RPS6KA2: variants seen among roughly 807,000 people sequenced by gnomAD.
The protein encoded by RPS6KA2 is ribosomal protein S6 kinase alpha-2.
Under a neutral mutation model 91.8 loss-of-function variants are expected in RPS6KA2, and 42 were observed. That is an observed-to-expected ratio of 0.46 (90% CI 0.36 to 0.59). The LOEUF (loss-of-function observed/expected upper bound fraction) is 0.59, where lower values mean the gene tolerates loss of function less well. Among genes scored for constraint, RPS6KA2 ranks in the 20% least tolerant of loss-of-function variants. RPS6KA2 has a pLI of 0.00. For missense variants in RPS6KA2, 798 were observed against 978.5 expected, an observed-to-expected ratio of 0.82 and a Z score of 2.46; for synonymous variants, 414 against 393.6, an observed-to-expected ratio of 1.05 and a Z score of -0.61.
chr6:166,531,381 A>T, intron 2 of RPS6KA2, 68 bp from the exon 3 acceptor site: 8 of 1,141,234 alleles, frequency 7.0e-6, no homozygotes, highest in Non-Finnish European at 1.1e-5. Flanking sequence ...ATTGGATTTG[A>T]CAAGGGGATA....
chr6:166,478,813 A>T (rs957467505), intron 10 of RPS6KA2, among the ~76,000 whole-genome samples: 1 of 152,132 alleles, frequency 6.6e-6, no homozygotes, highest in African/African-American at 2.4e-5. Context: ...CAGACCCATT[A>T]CAGTGCTTCC....
At chr6:166,498,787 G>A (rs991016627) in intron 7 of RPS6KA2, 137 bp from the exon 8 acceptor site, 45 of 1,144,800 alleles carry the variant, frequency 3.9e-5, no homozygotes, top group Non-Finnish European at 2.5e-6. Flanking sequence ...CTCAGCAAAA[G>A]CGGGACCATG....
chr6:166,573,274 C>A (rs932072603), intron 1 of RPS6KA2, among the ~76,000 whole-genome samples: 4 of 152,252 alleles, frequency 2.6e-5, no homozygotes, highest in African/African-American at 4.8e-5. Flanking sequence ...CTGGTTAGAG[C>A]TTCCAGAACC....
chr6:166,581,696 C>T (rs1436978985), intron 1 of RPS6KA2, among the ~76,000 whole-genome samples: 7 of 152,238 alleles, frequency 4.6e-5, no homozygotes, highest in African/African-American at 1.4e-4. Flanking sequence ...TTGGAAATCA[C>T]CACTTCAAAT....
intron 1 of RPS6KA2, among the ~76,000 whole-genome samples, chr6:166,556,024 T>C (rs1784169167): frequency 6.6e-6 from 1 of 152,172 alleles, no homozygotes; most frequent in Non-Finnish European, 1.5e-5. Context: ...GGGCCACGGC[T>C]AGAAGCCCTG....
intron 2 of RPS6KA2, among the ~76,000 whole-genome samples, chr6:166,682,485 G>C (rs1583016264): frequency 6.6e-6 from 1 of 152,196 alleles, no homozygotes; most frequent in South Asian, 2.1e-4. Flanking sequence ...GGGTGAGACA[G>C]CCCTGGGGAA....
chr6:166,675,963 T>C (rs1425083095), intron 2 of RPS6KA2, among the ~76,000 whole-genome samples: 1 of 152,186 alleles, frequency 6.6e-6, no homozygotes, highest in African/African-American at 2.4e-5. Context: ...TCAATCGTCA[T>C]AACAGAAAGT....
intron 14 of RPS6KA2, among the ~76,000 whole-genome samples, chr6:166,447,122 A>G (rs1779706183): frequency 6.6e-6 from 1 of 152,168 alleles, no homozygotes; most frequent in African/African-American, 2.4e-5. Flanking sequence ...TCAACAATCC[A>G]AATCCTAGAA....
At chr6:166,805,289 A>C (rs1413288191) in intron 2 of RPS6KA2, among the ~76,000 whole-genome samples, 1 of 152,208 alleles carries the variant, frequency 6.6e-6, no homozygotes, top group Non-Finnish European at 1.5e-5. Flanking sequence ...TCCAATGACA[A>C]GGGATCTGTG....
At chr6:166,446,705 C>T (rs1348687926) in intron 14 of RPS6KA2, among the ~76,000 whole-genome samples, 1 of 152,200 alleles carries the variant, frequency 6.6e-6, no homozygotes. Flanking sequence ...GGGGGATTTA[C>T]TTGCAGAGGC....
At position 166,435,869 on chromosome 6, in the gene RPS6KA2, G is replaced by A. The variant is rs1021566608; in HGVS notation, c.1333-3379C>T. On this transcript the variant is annotated intron_variant, in intron 14 of 20. Transcript: ENST00000265678. The surrounding 1 kb of genome is among the most constrained non-coding windows in gnomAD (Gnocchi z 4.3). ...GGAGGAAGGCGTTGCTCCTGGGGAG[G>A]CCACGTGCTGCGTGGTTGGCGGCCC... Among the ~76,000 whole-genome samples, 1 of 152,264 alleles carries A rather than the reference G, an allele frequency of 6.6e-6. No homozygotes were observed. Among genetic ancestry groups the A allele is most frequent in the African/African-American group, 2.4e-5 (1 of 41,476 alleles).
rs10568123 is a variant in RPS6KA2 at position 166,417,620 on chromosome 6, T to TACAC, written c.1938+601_1938+604dup. 6.3e-3 allele frequency among the ~76,000 whole-genome samples: 929 copies of TACAC among 148,586 alleles called. 6 individuals are homozygous for TACAC. Among genetic ancestry groups the TACAC allele is most frequent in the South Asian group, 0.016 (76 of 4,660 alleles). ...TCTTACAAATAAATCTCTCTCTCTA[T>TACAC]ACACACACACACACACACACACACA... On this transcript the variant is annotated intron_variant, in intron 19 of 20. Transcript: ENST00000265678.
Position 166,626,172 on chromosome 6 carries a change from G to T in RPS6KA2, c.99+749C>A, listed in dbSNP as rs1335174007. Among the ~76,000 whole-genome samples, 1 of 152,114 alleles carries T rather than the reference G, an allele frequency of 6.6e-6. No homozygotes were observed. The highest frequency in any genetic ancestry group is 1.9e-4 in the East Asian group (1 of 5,194). On this transcript the variant is annotated intron_variant, in intron 1 of 20. Transcript: ENST00000265678. This position sits in a 1 kb window ranked among gnomAD's most constrained non-coding sequence, Gnocchi z 4.1. ...ATTCAACAATGTGATTTGGACACTGGGAATAAGAGAATAAGATTTGATGGT... is the reference window on the plus strand; with the variant it reads ...ATTCAACAATGTGATTTGGACACTGTGAATAAGAGAATAAGATTTGATGGT...
chr6:166,729,907 AG>A (rs1418235841), intron 2 of RPS6KA2, among the ~76,000 whole-genome samples: 1 of 152,214 alleles, frequency 6.6e-6, no homozygotes, highest in Admixed American at 6.5e-5. Flanking sequence ...TTTGACTGCC[AG>A]GTTGTCTAAA....
chr6:166,789,011 A>G (rs7749927), intron 2 of RPS6KA2, among the ~76,000 whole-genome samples: 52,586 of 151,930 alleles, frequency 0.35, 9,793 homozygotes, highest in African/African-American at 0.47. Flanking sequence ...GACAGCGGGC[A>G]CAGGACAGCG....
rs527726905 is a variant in RPS6KA2 at position 166,742,341 on chromosome 6, G to T, written c.123+115859C>A. 2.0e-5 allele frequency among the ~76,000 whole-genome samples: 3 copies of T among 152,296 alleles called. No individual in the cohort carries two copies. The South Asian group carries it at 6.2e-4, about 32-fold the overall frequency. On this transcript the variant is annotated intron_variant, in intron 2 of 21. Transcript: ENST00000503859. ...AATGTTGAATTCTCTGATTTCTCAC[G>T]AAAACATTTATTGCTGAGGGAACCC...
At chr6:166,775,747 C>T (rs1778599451) in intron 2 of RPS6KA2, among the ~76,000 whole-genome samples, 1 of 152,248 alleles carries the variant, frequency 6.6e-6, no homozygotes, top group Non-Finnish European at 1.5e-5. Flanking sequence ...CTAGATAAAG[C>T]GCGGTGGAAA....
At chr6:166,511,655 A>G (rs1333649147) in intron 3 of RPS6KA2, among the ~76,000 whole-genome samples, 2 of 152,232 alleles carry the variant, frequency 1.3e-5, no homozygotes, top group Non-Finnish European at 2.9e-5. Context: ...AAACATTGCT[A>G]TTGGGACAAA....
chr6:166,731,861 C>T (rs1475094389), intron 2 of RPS6KA2, among the ~76,000 whole-genome samples: 2 of 152,024 alleles, frequency 1.3e-5, no homozygotes, highest in Non-Finnish European at 2.9e-5. Flanking sequence ...CTAAAGGACT[C>T]CCCCGGGGCC....
Sources: allele counts gnomAD v4.1 joint callset (sites outside exome capture counted in the v4.1 genomes callset), GRCh38; gene constraint gnomAD v4.1.1; non-coding constraint Gnocchi (gnomAD v3.1); transcripts MANE v1.5; gene names NCBI Gene and HGNC (gene_info 2026-07-23, HGNC 2026-07-21).